Variants in CD247 observed in about 807,000 individuals in gnomAD.
The protein encoded by CD247 is CD247 molecule, also known as T-cell surface glycoprotein CD3 zeta chain.
CD247 carries 13 observed loss-of-function variants against 30.0 expected under a neutral mutation model. The ratio of observed to expected loss-of-function variants is 0.43; its 90% CI spans 0.28 to 0.69. The LOEUF (loss-of-function observed/expected upper bound fraction) is 0.69, where lower values mean the gene tolerates loss of function less well. Among genes scored for constraint, CD247 ranks in the 30% least tolerant of loss-of-function variants. CD247 has a pLI of 0.16. For missense variants in CD247, 193 were observed against 212.6 expected, an observed-to-expected ratio of 0.91 and a Z score of 0.57; for synonymous variants, 72 against 80.0, an observed-to-expected ratio of 0.90 and a Z score of 0.53.
At chr1:167,435,619 C>G (rs1651509355) in intron 4 of CD247, among the ~76,000 whole-genome samples, 185 bp from the exon 5 acceptor site, 1 of 152,254 alleles carries the variant, frequency 6.6e-6, no homozygotes, top group Non-Finnish European at 1.5e-5. Context: ...CTACATGGCT[C>G]ATACTTGGTT....
rs140888726 is a variant in CD247, at chr1:167,480,992, C to T, written c.58+37416G>A. Among the ~76,000 whole-genome samples, 95 of 152,302 alleles carry T rather than the reference C, an allele frequency of 6.2e-4. 2 individuals are homozygous for T. In the East Asian group the frequency reaches 0.017, roughly 27 times the overall value. The stretch of plus-strand genomic sequence containing the variant: ...TATATTGATTCTCAACCATTATCCA[C>T]TAAGAGGTGTTGAGCTGGGTGTGGT... On this transcript the variant is annotated intron_variant, in intron 1 of 7. Coordinates refer to ENST00000362089, the MANE Select transcript of CD247 (RefSeq NM_198053.3).
chr1:167,482,809 G>C (rs35723100), intron 1 of CD247, among the ~76,000 whole-genome samples: 1 of 152,068 alleles, frequency 6.6e-6, no homozygotes, highest in Non-Finnish European at 1.5e-5. Context: ...TAGTTTATCC[G>C]GCCCAGGCTA....
intron 1 of CD247, among the ~76,000 whole-genome samples, chr1:167,466,632 G>C (rs78821222): frequency 0.031 from 4,646 of 152,248 alleles, 152 homozygotes; most frequent in East Asian, 0.17. Flanking sequence ...AGGTACCTAT[G>C]CAAATGTATT....
At chr1:167,468,386 G>A (rs552876827) in intron 1 of CD247, among the ~76,000 whole-genome samples, 22 of 152,292 alleles carry the variant, frequency 1.4e-4, no homozygotes, top group South Asian at 6.2e-4. Flanking sequence ...ACAAAGCATC[G>A]TTATAATTTA....
intron 3 of CD247, 139 bp from the exon 4 acceptor site, chr1:167,438,789 G>A: frequency 1.4e-6 from 1 of 738,630 alleles, no homozygotes; most frequent in Non-Finnish European, 2.5e-6. Context: ...GATGGTAACT[G>A]GTCCATCTGG....
In CD247 at chr1:167,494,414, G is replaced by A. The variant is rs959594301; in HGVS notation, c.58+23994C>T. The stretch of plus-strand genomic sequence containing the variant: ...TGGATTTGGGGTCAATAAACATAGC[G>A]GCTCCACTACACTAGTGTGAGGAGG... On this transcript the variant is annotated intron_variant, in intron 1 of 7. Coordinates refer to ENST00000362089, the MANE Select transcript of CD247 (RefSeq NM_198053.3). This position sits in a 1 kb window ranked among gnomAD's most constrained non-coding sequence, Gnocchi z 7.3. 5.3e-5 allele frequency among the ~76,000 whole-genome samples: 8 copies of A among 152,166 alleles called. No homozygotes were observed. The highest frequency in any genetic ancestry group is 1.2e-4 in the African/African-American group (5 of 41,434).
intron 1 of CD247, among the ~76,000 whole-genome samples, chr1:167,486,416 T>C (rs1418226103): frequency 1.3e-5 from 2 of 152,222 alleles, no homozygotes; most frequent in Non-Finnish European, 2.9e-5. Flanking sequence ...CGGAGTGTTG[T>C]TGTGAAGATC....
chr1:167,481,352 A>C (rs1347510669), intron 1 of CD247, among the ~76,000 whole-genome samples: 2 of 152,210 alleles, frequency 1.3e-5, no homozygotes, highest in African/African-American at 4.8e-5. Flanking sequence ...GAATACTAAA[A>C]CTTGGAAATA....
At chr1:167,473,570 C>T (rs573588441) in intron 1 of CD247, among the ~76,000 whole-genome samples, 7 of 152,328 alleles carry the variant, frequency 4.6e-5, no homozygotes, top group Middle Eastern at 3.4e-3. Flanking sequence ...ACAGCCCAGA[C>T]CAAGTTCACA....
intron 1 of CD247, among the ~76,000 whole-genome samples, chr1:167,441,288 C>CTGGGTT (rs1332063854): frequency 1.3e-5 from 2 of 152,198 alleles, no homozygotes; most frequent in African/African-American, 2.4e-5. Flanking sequence ...AACTCTCCCC[C>CTGGGTT]AACTCCCTGC....
chr1:167,504,098 CG>C (rs1028667793), intron 1 of CD247, among the ~76,000 whole-genome samples: 2 of 152,078 alleles, frequency 1.3e-5, no homozygotes, highest in African/African-American at 4.8e-5. Context: ...CGGTTCATGG[CG>C]GGGGGAGCGA....
At chr1:167,515,545 C>T (rs1655567958) in intron 1 of CD247, among the ~76,000 whole-genome samples, 2 of 152,344 alleles carry the variant, frequency 1.3e-5, no homozygotes, top group African/African-American at 4.8e-5. Flanking sequence ...TTTTTTCAGA[C>T]ATGTTTTTAC....
At chr1:167,467,304 C>A (rs1653299768) in intron 1 of CD247, among the ~76,000 whole-genome samples, 2 of 152,216 alleles carry the variant, frequency 1.3e-5, no homozygotes, top group South Asian at 4.1e-4. Flanking sequence ...TGCTTTTCTG[C>A]GGCCCTTCAT....
chr1:167,479,628 C>T (rs1174832804), intron 1 of CD247, among the ~76,000 whole-genome samples: 1 of 152,174 alleles, frequency 6.6e-6, no homozygotes, highest in Non-Finnish European at 1.5e-5. Flanking sequence ...CTTTTAGGGC[C>T]TCATATTCTG....
rs1037568360 is a variant in CD247 at position 167,514,834 on chromosome 1, A to G, written c.58+3574T>C. Among the ~76,000 whole-genome samples the G allele has an allele frequency of 2.6e-5, 4 of 152,326 alleles. No homozygotes were observed. In the South Asian group the frequency reaches 8.3e-4, roughly 32 times the overall value. On this transcript the variant is annotated intron_variant, in intron 1 of 7. Transcript: ENST00000362089. ...GTGCGTGTTTGGACAACTCTAATCT[A>G]AGAGAGTTCCCTCAGGGCAACTGGA... is the stretch of plus-strand genomic sequence containing the variant.
intron 1 of CD247, among the ~76,000 whole-genome samples, chr1:167,515,733 G>A (rs913462132): frequency 2.0e-5 from 3 of 152,206 alleles, no homozygotes; most frequent in Non-Finnish European, 4.4e-5. Flanking sequence ...AGAGGGATGA[G>A]TTGGATTGCA....
Position 167,518,461 on chromosome 1 carries a change from T to C in CD247, c.5A>G (p.Lys2Arg), listed in dbSNP as rs1655714396. Residue 2 changes from lysine (K) to arginine (R), a missense_variant, in exon 1 of 8, where the codon AAG (lysine) becomes AGG (arginine). Lys to Arg is a conservative substitution (Grantham distance 26). Coordinates refer to ENST00000362089, the MANE Select transcript of CD247 (RefSeq NM_198053.3). Reference protein sequence around the residue: MKWKALFTAAIL... With the variant: MRWKALFTAAIL... The stretch of plus-strand genomic sequence containing the variant: ...GGCCGCGGTGAAAAGCGCCTTCCAC[T>C]TCATCTTGTCCTTTCCCTCAGAAAG... 1.2e-6 allele frequency: 2 copies of C among 1,613,936 alleles called. No individual in the cohort carries two copies. Among genetic ancestry groups the C allele is most frequent in the African/African-American group, 2.7e-5 (2 of 74,926 alleles).
At chr1:167,474,412 G>A (rs867309962) in intron 1 of CD247, among the ~76,000 whole-genome samples, 2 of 152,142 alleles carry the variant, frequency 1.3e-5, no homozygotes, top group African/African-American at 4.8e-5. Flanking sequence ...TGTTTGGGGT[G>A]TGGGGAGAAA....
intron 1 of CD247, among the ~76,000 whole-genome samples, chr1:167,455,472 T>C (rs941438603): frequency 1.3e-5 from 2 of 152,102 alleles, no homozygotes; most frequent in African/African-American, 4.8e-5. Context: ...CCTCCGGCCC[T>C]TCCTCACCAT....
Sources: allele counts gnomAD v4.1 joint callset (sites outside exome capture counted in the v4.1 genomes callset), GRCh38; gene constraint gnomAD v4.1.1; non-coding constraint Gnocchi (gnomAD v3.1); transcripts MANE v1.5; gene names NCBI Gene and HGNC (gene_info 2026-07-23, HGNC 2026-07-21).